Variants in RNF212B observed in about 807,000 individuals in gnomAD.
The protein encoded by RNF212B is ring finger protein 212B.
RNF212B carries 52 observed loss-of-function variants against 55.5 expected under a neutral mutation model. The ratio of observed to expected loss-of-function variants is 0.94; its 90% CI spans 0.75 to 1.18. The LOEUF (loss-of-function observed/expected upper bound fraction) is 1.18, where lower values mean the gene tolerates loss of function less well. Ranked by LOEUF, RNF212B falls within the 50% of genes most tolerant of loss-of-function variation. RNF212B has a pLI of 0.00. For synonymous variants in RNF212B, 99 were observed against 121.4 expected (o/e 0.82, Z 1.21); for missense variants, 289 against 350.4 (o/e 0.82, Z 1.40).
At chr14:23,216,840 A>G (rs111815958) in intron 2 of RNF212B, among the ~76,000 whole-genome samples, 4,906 of 129,274 alleles carry the variant, frequency 0.038, 110 homozygotes, top group Middle Eastern at 0.059. Context: ...AGATTGCCCT[A>G]CTGCATCCTA....
intron 2 of RNF212B, among the ~76,000 whole-genome samples, chr14:23,200,205 C>T (rs541515816): frequency 6.6e-6 from 1 of 152,110 alleles, no homozygotes; most frequent in South Asian, 2.1e-4. Flanking sequence ...TTTACATAGG[C>T]TTTTAAATGG....
In RNF212B at chr14:23,262,668, A is replaced by G. The variant is rs1885383626; in HGVS notation, c.438A>G (p.Ser146=). 6 of 1,549,980 alleles carry G rather than the reference A, an allele frequency of 3.9e-6. No individual in the cohort carries two copies. In the African/African-American group the frequency reaches 8.2e-5, roughly 21 times the overall value. Residue 146 remains serine (S), a synonymous_variant, in exon 8 of 15, where the codon TCA becomes TCG. Coordinates refer to ENST00000430154, the MANE Select transcript of RNF212B (RefSeq NM_001282322.3). ...ESPSRYQGSR[S]ITPRPVGITS... ...CCTCTTTTTTTTTCCCTTGCAGGTCAATCACACCTCGACCAGTGGGCATTA... is the reference window on the plus strand; with the variant it reads ...CCTCTTTTTTTTTCCCTTGCAGGTCGATCACACCTCGACCAGTGGGCATTA...
chr14:23,235,712 T>C (rs1341114162), upstream of RNF212B, among the ~76,000 whole-genome samples: 2 of 152,228 alleles, frequency 1.3e-5, no homozygotes, highest in African/African-American at 4.8e-5. Context: ...TGTAATGAAC[T>C]GTGTCAATAT....
intron 4 of RNF212B, among the ~76,000 whole-genome samples, chr14:23,246,597 A>C (rs964359131): frequency 1.3e-5 from 2 of 152,174 alleles, no homozygotes; most frequent in African/African-American, 4.8e-5. Context: ...ACTTTAAAAA[A>C]AAACAAACAA....
chr14:23,237,025 G>A (rs143977155), upstream of RNF212B, among the ~76,000 whole-genome samples: 3 of 148,420 alleles, frequency 2.0e-5, no homozygotes, highest in Middle Eastern at 3.4e-3. Context: ...GTGCAGTGGC[G>A]TGAACACAGC....
In RNF212B at chr14:23,187,929, AAAG is replaced by A. The variant is rs372310625; in HGVS notation, c.-79+2445_-79+2447del. Among the ~76,000 whole-genome samples the A allele has an allele frequency of 1.9e-4, 29 of 152,330 alleles. No individual in the cohort carries two copies. In the East Asian group the frequency reaches 5.2e-3, roughly 27 times the overall value. On this transcript the variant is annotated intron_variant, in intron 1 of 15. Coordinates refer to the RNF212B transcript ENST00000399910. ...GAAAAGCAGATGAAAATTAATGAGA[AAAG>A]AAGAAAAAATTAAAAAAAGAAAAGG...
intron 2 of RNF212B, among the ~76,000 whole-genome samples, chr14:23,231,277 C>T (rs1357303506): frequency 1.3e-5 from 2 of 152,044 alleles, no homozygotes; most frequent in Non-Finnish European, 2.9e-5. Flanking sequence ...AAATTTATTC[C>T]TAAATATTTT....
intron 4 of RNF212B, among the ~76,000 whole-genome samples, chr14:23,248,642 G>A (rs1360536793): frequency 2.0e-5 from 3 of 150,450 alleles, no homozygotes; most frequent in African/African-American, 7.4e-5. Flanking sequence ...GGGTTTCACC[G>A]TGTTGGTCAG....
At chr14:23,204,070 G>T (rs955493666) in intron 2 of RNF212B, among the ~76,000 whole-genome samples, 1 of 152,058 alleles carries the variant, frequency 6.6e-6, no homozygotes, top group Admixed American at 6.6e-5. Context: ...TGATGGGATT[G>T]TTTGTTTTTT....
At chr14:23,236,552 C>T (rs551738887), upstream of RNF212B, among the ~76,000 whole-genome samples, 29 of 151,884 alleles carry the variant, frequency 1.9e-4, no homozygotes, top group African/African-American at 6.8e-4. Context: ...GCAAAAAAAC[C>T]CCAAACAACA....
chr14:23,196,005 T>A (rs1391768235), intron 2 of RNF212B, among the ~76,000 whole-genome samples: 2 of 152,184 alleles, frequency 1.3e-5, no homozygotes, highest in East Asian at 3.9e-4. Context: ...CATTCTTTTC[T>A]GTCTCAGTTG....
rs1886228868 is a variant in RNF212B at position 23,273,030 on chromosome 14, T to G, written c.*139T>G. ...CTCTGTACCTTATGCTCCCCCCATC[T>G]TTACCCTATTCACCCTTATCACCTC... On this transcript the variant is annotated 3_prime_UTR_variant, in exon 15 of 15. Coordinates refer to ENST00000430154, the MANE Select transcript of RNF212B (RefSeq NM_001282322.3). 1 of 547,064 alleles carries G rather than the reference T, an allele frequency of 1.8e-6. No homozygotes were observed. The allele number at this position is 547,064 out of a possible 1,614,324, so 33.9% of individuals were successfully genotyped here.
At chr14:23,236,576 A>G (rs1883117419), upstream of RNF212B, among the ~76,000 whole-genome samples, 1 of 152,072 alleles carries the variant, frequency 6.6e-6, no homozygotes, top group Non-Finnish European at 1.5e-5. Context: ...ACAAACAAAC[A>G]CACATTTAAT....
intron 4 of RNF212B, 103 bp from the exon 5 acceptor site, chr14:23,258,446 G>T: frequency 4.4e-6 from 2 of 456,282 alleles, no homozygotes; most frequent in South Asian, 4.3e-5. Flanking sequence ...AGAAGAAAAT[G>T]AGCAGTATAA....
intron 1 of RNF212B, among the ~76,000 whole-genome samples, chr14:23,186,115 AAAAC>A (rs924355455): frequency 4.6e-5 from 7 of 152,152 alleles, no homozygotes; most frequent in Admixed American, 2.6e-4. Context: ...AAACCAAACC[AAAAC>A]AAACAAACAA....
At chr14:23,199,225 G>A (rs1406325455) in intron 2 of RNF212B, among the ~76,000 whole-genome samples, 2 of 152,196 alleles carry the variant, frequency 1.3e-5, no homozygotes, top group Non-Finnish European at 2.9e-5. Flanking sequence ...ACATTTTAGG[G>A]AGGCATGAGA....
chr14:23,214,532 T>C (rs1405626840), intron 2 of RNF212B, among the ~76,000 whole-genome samples: 1 of 151,718 alleles, frequency 6.6e-6, no homozygotes, highest in African/African-American at 2.4e-5. Context: ...AAAATTAAAT[T>C]AATTTAATTT....
chr14:23,234,746 A>G (rs559971790), upstream of RNF212B, among the ~76,000 whole-genome samples: 20 of 152,258 alleles, frequency 1.3e-4, no homozygotes, highest in Admixed American at 2.6e-4. Context: ...TCCACATGGC[A>G]CTAAAATATT....
At chr14:23,207,001 C>T (rs553974905) in intron 2 of RNF212B, among the ~76,000 whole-genome samples, 1 of 151,698 alleles carries the variant, frequency 6.6e-6, no homozygotes, top group African/African-American at 2.4e-5. Context: ...TGCACACATA[C>T]ACACACACAT....
Sources: gnomAD v4.1 joint callset for allele counts (sites outside exome capture counted in the v4.1 genomes callset) on GRCh38, gnomAD v4.1.1 for gene constraint, MANE v1.5 for transcripts, NCBI Gene and HGNC (gene_info 2026-07-23, HGNC 2026-07-21) for gene names.